BAZ1A: variants seen among roughly 807,000 people sequenced by gnomAD.
BAZ1A encodes the protein bromodomain adjacent to zinc finger domain protein 1A.
Under a neutral mutation model 185.2 loss-of-function variants are expected in BAZ1A, and 50 were observed. The observed-to-expected ratio is 0.27, with a 90% CI of 0.22 to 0.34. The LOEUF is 0.34. Among genes scored for constraint, BAZ1A ranks in the 10% least tolerant of loss-of-function variants. The probability of loss-of-function intolerance (pLI) is 1.00; values close to 1 mark genes in which losing one functional copy is unlikely to be tolerated. For synonymous variants in BAZ1A, 571 were observed against 615.6 expected, an observed-to-expected ratio of 0.93 and a Z score of 1.07; for missense variants, 1,356 against 1,839.9, an observed-to-expected ratio of 0.74 and a Z score of 4.81.
At chr14:34,839,839 C>CAAA (rs60954768) in intron 3 of BAZ1A, among the ~76,000 whole-genome samples, 3 of 106,684 alleles carry the variant, frequency 2.8e-5, no homozygotes, top group Admixed American at 1.0e-4. Context: ...GCCTCTGTTT[C>CAAA]AAAAAAAAAA....
At chr14:34,845,108 GC>G (rs773700638) in intron 3 of BAZ1A, among the ~76,000 whole-genome samples, 1 of 151,898 alleles carries the variant, frequency 6.6e-6, no homozygotes, top group Non-Finnish European at 1.5e-5. Context: ...TTTAAAATGT[GC>G]CAACTCCTGC....
At position 34,784,421 on chromosome 14, in the gene BAZ1A, T is replaced by G. The variant is rs552762588; in HGVS notation, c.1832-494A>C. Among the ~76,000 whole-genome samples the G allele has an allele frequency of 1.7e-4, 25 of 148,938 alleles. 1 individual carries two copies. Among genetic ancestry groups the G allele is most frequent in the African/African-American group, 6.0e-4 (24 of 40,108 alleles). On this transcript the variant is annotated intron_variant, in intron 14 of 26. Transcript: ENST00000360310. ...GGCAACTTTGAATCCAATTTGCAGC[T>G]ATTGATATATGAGGCATTTCAAATG...
intron 6 of BAZ1A, among the ~76,000 whole-genome samples, chr14:34,806,556 A>G (rs1566572575): frequency 6.6e-6 from 1 of 152,010 alleles, no homozygotes; most frequent in Non-Finnish European, 1.5e-5. Context: ...TTTTTCACTT[A>G]GTGTGTCTTT....
chr14:34,771,279 A>G (rs1158329678), intron 21 of BAZ1A: 14 of 406,990 alleles, frequency 3.4e-5, no homozygotes, highest in Admixed American at 1.7e-4. Context: ...GATTACAGGC[A>G]TGAGCCACTG....
chr14:34,833,295 G>A (rs1160794902), intron 3 of BAZ1A, among the ~76,000 whole-genome samples: 6 of 152,102 alleles, frequency 3.9e-5, no homozygotes, highest in Non-Finnish European at 5.9e-5. Context: ...TTGGGAGACC[G>A]AGGCGGGTGG....
chr14:34,807,643 G>T, intron 5 of BAZ1A, 105 bp from the exon 6 acceptor site: 2 of 685,496 alleles, frequency 2.9e-6, no homozygotes, highest in Non-Finnish European at 4.8e-6. Context: ...AGAAAGCCTA[G>T]GAATCAAAGG....
intron 5 of BAZ1A, 116 bp from the exon 6 acceptor site, chr14:34,807,654 A>G (rs1041662829): frequency 1.6e-6 from 1 of 628,090 alleles, no homozygotes; most frequent in African/African-American, 1.9e-5. Context: ...GAATCAAAGG[A>G]CACACTTCAT....
chr14:34,775,906 A>T lies in BAZ1A; in HGVS notation c.2833+13T>A. 2 of 1,557,306 alleles carry T rather than the reference A, an allele frequency of 1.3e-6. No homozygotes were observed. The highest frequency in any genetic ancestry group is 1.7e-6 in the Non-Finnish European group (2 of 1,151,128). On this transcript the variant is annotated intron_variant, in intron 18 of 26. Coordinates refer to ENST00000360310, the MANE Select transcript of BAZ1A (RefSeq NM_013448.3). ...GGGAAAAAAAGTAAAAACAATTTTC[A>T]TTGAAAATTTACCTGAAAAATGAAA...
intron 21 of BAZ1A, among the ~76,000 whole-genome samples, chr14:34,768,452 G>A (rs1878995884): frequency 6.6e-6 from 1 of 152,070 alleles, no homozygotes; most frequent in African/African-American, 2.4e-5. Context: ...ATTCACCGGT[G>A]TCAACTTTCT....
chr14:34,786,220 A>T lies in BAZ1A; in HGVS notation c.1512T>A (p.Asp504Glu). The change falls in exon 13 of 27, where the codon GAT (aspartate) becomes GAA (glutamate). Residue 504 changes from aspartate (D) to glutamate (E), a missense_variant and splice_region_variant. This residue lies in a region of BAZ1A where 184 missense variants were observed against 355.1 expected (regional missense o/e 0.52). Transcript: ENST00000360310. ...CATCTTCATCCAAAGCCTCTGTTAA[A>T]TCTTTAAGGAAATAAATACTTTATT... The part of the protein sequence containing the change: ...KEQLTDADTK[D>E]LTEALDEDAD... 6.2e-7 allele frequency: 1 copy of T among 1,608,738 alleles called. No homozygotes were observed. Among genetic ancestry groups the T allele is most frequent in the Non-Finnish European group, 8.5e-7 (1 of 1,177,980 alleles).
In BAZ1A at chr14:34,794,662, A is replaced by C. The variant is rs1881081927; in HGVS notation, c.1363+87T>G. On this transcript the variant is annotated intron_variant, in intron 11 of 26. Coordinates refer to ENST00000360310, the MANE Select transcript of BAZ1A (RefSeq NM_013448.3). ...GAGAGATCCCAACTCCAGTGCCCCC[A>C]CAGAACTTTACAAGGTGGCTTGTTT... is the stretch of plus-strand genomic sequence containing the variant. 5.8e-6 allele frequency: 8 copies of C among 1,388,124 alleles called. No homozygotes were observed. In the South Asian group the frequency reaches 1.1e-4, roughly 19 times the overall value. 86.0% of individuals were successfully genotyped at this position (1,388,124 alleles called of 1,614,324 possible). A position where few individuals can be genotyped will look rare whatever the true frequency, so the allele number is the denominator to read the frequency against.
intron 3 of BAZ1A, among the ~76,000 whole-genome samples, chr14:34,833,903 T>C (rs1201207323): frequency 6.6e-6 from 1 of 152,190 alleles, no homozygotes; most frequent in African/African-American, 2.4e-5. Flanking sequence ...CAACTTTTTT[T>C]ATTCTAAGAG....
At chr14:34,853,281 G>A (rs555333115) in intron 3 of BAZ1A, among the ~76,000 whole-genome samples, 2 of 152,220 alleles carry the variant, frequency 1.3e-5, no homozygotes, top group Non-Finnish European at 2.9e-5. Flanking sequence ...GGTAATCAGG[G>A]TGTGGAGGAG....
At chr14:34,818,741 C>A (rs1302552486) in intron 4 of BAZ1A, among the ~76,000 whole-genome samples, 1 of 152,066 alleles carries the variant, frequency 6.6e-6, no homozygotes, top group African/African-American at 2.4e-5. Flanking sequence ...CGTGTATATG[C>A]CAAAGAGAAG....
intron 25 of BAZ1A, among the ~76,000 whole-genome samples, chr14:34,757,475 G>C (rs911566908): frequency 1.1e-4 from 16 of 150,848 alleles, no homozygotes; most frequent in Non-Finnish European, 8.8e-5. Context: ...GAACAGCCTG[G>C]CCAACATGGT....
At chr14:34,783,407 G>A (rs1880182247) in intron 15 of BAZ1A, among the ~76,000 whole-genome samples, 175 bp from the exon 16 acceptor site, 1 of 121,736 alleles carries the variant, frequency 8.2e-6, no homozygotes, top group Non-Finnish European at 1.6e-5. Flanking sequence ...TCACTCTTCT[G>A]CCCAGGCTGA....
intron 4 of BAZ1A, among the ~76,000 whole-genome samples, chr14:34,811,590 T>C (rs2041931351): frequency 6.6e-6 from 1 of 152,102 alleles, no homozygotes; most frequent in Non-Finnish European, 1.5e-5. Flanking sequence ...CGTCCCAAAG[T>C]GTTGGCATTA....
intron 4 of BAZ1A, among the ~76,000 whole-genome samples, chr14:34,819,638 A>G (rs1326509108): frequency 2.0e-5 from 3 of 152,094 alleles, no homozygotes; most frequent in Non-Finnish European, 2.9e-5. Context: ...ATAATAGTCC[A>G]TTGTCTTTAT....
chr14:34,759,133 T>C (rs1886397031), intron 24 of BAZ1A, among the ~76,000 whole-genome samples: 1 of 151,760 alleles, frequency 6.6e-6, no homozygotes, highest in Admixed American at 6.6e-5. Flanking sequence ...TTTTGGATTA[T>C]TTTTACTCAA....
Sources: gnomAD v4.1 joint callset for allele counts (sites outside exome capture counted in the v4.1 genomes callset) on GRCh38, gnomAD v4.1.1 for gene constraint, gnomAD v4.1.1 regional missense constraint, MANE v1.5 for transcripts, NCBI Gene and HGNC (gene_info 2026-07-23, HGNC 2026-07-21) for gene names.